The following OLFM2 variants were observed in gnomAD, a reference collection of about 807,000 sequenced individuals.
OLFM2 encodes noelin-2.
Under a neutral mutation model 43.9 loss-of-function variants are expected in OLFM2, and 20 were observed. That is an observed-to-expected ratio of 0.46 (90% confidence interval 0.32 to 0.66). The LOEUF (loss-of-function observed/expected upper bound fraction) is 0.66, where lower values mean the gene tolerates loss of function less well. Among genes scored for constraint, OLFM2 ranks in the 30% least tolerant of loss-of-function variants. The pLI is 0.04. For missense variants in OLFM2, 416 were observed against 643.6 expected, an observed-to-expected ratio of 0.65 and a Z score of 3.83; for synonymous variants, 268 against 278.6, an observed-to-expected ratio of 0.96 and a Z score of 0.38.
chr19:9,859,063 G>T (rs759101210), intron 2 of OLFM2, among the ~76,000 whole-genome samples: 1 of 152,230 alleles, frequency 6.6e-6, no homozygotes, highest in Non-Finnish European at 1.5e-5. Context: ...GACTCTGCCT[G>T]GCTAAGGTAA....
intron 1 of OLFM2, among the ~76,000 whole-genome samples, chr19:9,902,024 G>A (rs1330972047): frequency 6.9e-6 from 1 of 144,050 alleles, no homozygotes; most frequent in Non-Finnish European, 1.5e-5. Context: ...TTTATATACT[G>A]ACTATATATA....
intron 1 of OLFM2, among the ~76,000 whole-genome samples, chr19:9,870,759 G>A (rs750078542): frequency 2.6e-5 from 4 of 152,172 alleles, no homozygotes; most frequent in South Asian, 2.1e-4. Context: ...CCTGCCACGC[G>A]TTACCCTCCT....
chr19:9,922,774 G>A (rs2086428835), intron 1 of OLFM2, among the ~76,000 whole-genome samples: 1 of 151,560 alleles, frequency 6.6e-6, no homozygotes, highest in African/African-American at 2.4e-5. Flanking sequence ...CGCCAGGAGT[G>A]GTGCTGCATG....
intron 1 of OLFM2, among the ~76,000 whole-genome samples, chr19:9,899,240 G>A (rs183154140): frequency 5.1e-4 from 78 of 151,676 alleles, no homozygotes; most frequent in Non-Finnish European, 1.0e-3. Context: ...ACTCCAGCCT[G>A]GGCAACAGAA....
rs1568366283 is a variant in OLFM2, at chr19:9,857,525, C to CT, written c.361-44dup. The CT allele has an allele frequency of 2.5e-6, 4 of 1,603,584 alleles. No individual in the cohort carries two copies. The highest frequency in any genetic ancestry group is 3.4e-6 in the Non-Finnish European group (4 of 1,174,466). On this transcript the variant is annotated intron_variant, in intron 3 of 5. Coordinates refer to ENST00000264833, the MANE Select transcript of OLFM2 (RefSeq NM_058164.4). The surrounding 1 kb of genome is among the most constrained non-coding windows in gnomAD (Gnocchi z 5.7). ...ACCATGGCCAAGCCTGACCCCTGGC[C>CT]TTTGACCCAGACATGACTCCAACCT...
intron 1 of OLFM2, among the ~76,000 whole-genome samples, chr19:9,907,721 AGGCC>A (rs1488430457): frequency 1.3e-5 from 2 of 151,432 alleles, no homozygotes; most frequent in Non-Finnish European, 2.9e-5. Flanking sequence ...AGACAGATAT[AGGCC>A]GGGCATGGTG....
At chr19:9,900,915 G>A (rs2046726331) in intron 1 of OLFM2, among the ~76,000 whole-genome samples, 1 of 131,832 alleles carries the variant, frequency 7.6e-6, no homozygotes, top group Non-Finnish European at 1.6e-5. Context: ...GAGGGAAGGG[G>A]AGGGAAAGGG....
At chr19:9,918,196 T>C (rs1019538293) in intron 1 of OLFM2, among the ~76,000 whole-genome samples, 16 of 150,010 alleles carry the variant, frequency 1.1e-4, no homozygotes, top group Non-Finnish European at 2.1e-4. Flanking sequence ...TTCTTTTATC[T>C]TTTTTTTTAA....
In OLFM2 at chr19:9,860,638, T is replaced by G. The variant is rs371076591; in HGVS notation, c.213+7A>C. The stretch of plus-strand genomic sequence containing the variant: ...AGCTGCCCCCAGGGTACCTGGAAGG[T>G]TCTCACCTTCTCCATCAGTTGCCGC... On this transcript the variant is annotated splice_region_variant and intron_variant, in intron 2 of 5. Coordinates refer to ENST00000264833, the MANE Select transcript of OLFM2 (RefSeq NM_058164.4). The G allele has an allele frequency of 2.3e-5, 36 of 1,575,946 alleles. No homozygotes were observed. The East Asian group carries it at 2.6e-4, about 11-fold the overall frequency.
chr19:9,881,059 G>A (rs8112411), intron 1 of OLFM2, among the ~76,000 whole-genome samples: 81,990 of 151,864 alleles, frequency 0.54, 23,225 homozygotes, highest in Admixed American at 0.64. Flanking sequence ...TACCACACCC[G>A]GCAAATTTTT....
chr19:9,874,070 T>C (rs557998754), intron 1 of OLFM2, among the ~76,000 whole-genome samples: 2 of 152,292 alleles, frequency 1.3e-5, no homozygotes, highest in East Asian at 1.9e-4. Flanking sequence ...ATAACCATGA[T>C]ACACTTGTCA....
chr19:9,913,126 C>T (rs1175315492), intron 1 of OLFM2, among the ~76,000 whole-genome samples: 1 of 152,152 alleles, frequency 6.6e-6, no homozygotes, highest in Non-Finnish European at 1.5e-5. Context: ...GCACCCCACT[C>T]AGCCCGGACT....
chr19:9,857,609 A>T lies in OLFM2; in HGVS notation c.360+106T>A. 6.4e-7 allele frequency: 1 copy of T among 1,572,048 alleles called. No homozygotes were observed. Among genetic ancestry groups the T allele is most frequent in the East Asian group, 2.2e-5 (1 of 44,576 alleles). ...ACACCTGGCCCTTGACATGTGGCTC[A>T]TATTGGACCCTAGATTCTTCCCAGA... On this transcript the variant is annotated intron_variant, in intron 3 of 5. Transcript: ENST00000264833. The surrounding 1 kb of genome is among the most constrained non-coding windows in gnomAD (Gnocchi z 5.7).
At position 9,856,515 on chromosome 19, in the gene OLFM2, T is replaced by C. The variant is rs2046318899; in HGVS notation, c.687+292A>G. Among the ~76,000 whole-genome samples the C allele has an allele frequency of 6.6e-6, 1 of 152,176 alleles. No homozygotes were observed. The highest frequency in any genetic ancestry group is 2.4e-5 in the African/African-American group (1 of 41,426). On this transcript the variant is annotated intron_variant, in intron 5 of 5. Coordinates refer to ENST00000264833, the MANE Select transcript of OLFM2 (RefSeq NM_058164.4). The surrounding 1 kb of genome is among the most constrained non-coding windows in gnomAD (Gnocchi z 4.0). The stretch of plus-strand genomic sequence containing the variant: ...GAGGTCTCTTGTCCTTGGGAGGGCA[T>C]TGGTCATTGGGTAGTTACTTGGACG...
chr19:9,871,051 C>G (rs914627466), intron 1 of OLFM2, among the ~76,000 whole-genome samples: 11 of 152,080 alleles, frequency 7.2e-5, no homozygotes, highest in African/African-American at 2.7e-4. Context: ...AGGCAGATCA[C>G]TCTAGGTCAG....
intron 1 of OLFM2, among the ~76,000 whole-genome samples, chr19:9,864,279 CTCTTT>C (rs1392499334): frequency 1.3e-4 from 20 of 152,294 alleles, no homozygotes; most frequent in Admixed American, 7.8e-4. Context: ...CTCATTACTT[CTCTTT>C]TATTTATTCG....
At position 9,854,316 on chromosome 19, in the gene OLFM2, T is replaced by C. The variant is rs2046295478; in HGVS notation, c.1235A>G (p.Asn412Ser). 1 of 1,613,824 alleles carries C rather than the reference T, an allele frequency of 6.2e-7. No individual in the cohort carries two copies. The highest frequency in any genetic ancestry group is 1.3e-5 in the African/African-American group (1 of 74,820). Residue 412 changes from asparagine to serine, a missense_variant, in exon 6 of 6, where the codon AAC (asparagine) becomes AGC (serine). Asn to Ser is a conservative substitution (Grantham distance 46). Transcript: ENST00000264833. This position sits in a 1 kb window ranked among gnomAD's most constrained non-coding sequence, Gnocchi z 9.5. ...SYEYTDVPFH[N>S]QYSHISMLDY... ...CAGCATCGAGATGTGGGAATACTGG[T>C]TGTGGAAGGGCACGTCCGTGTACTC...
At position 9,919,696 on chromosome 19, in the gene OLFM2, G is replaced by C. The variant is rs935774359; in HGVS notation, c.63+16608C>G. Among the ~76,000 whole-genome samples, 54 of 149,142 alleles carry C rather than the reference G, an allele frequency of 3.6e-4. No homozygotes were observed. In the East Asian group the frequency reaches 7.7e-3, roughly 21 times the overall value. On this transcript the variant is annotated intron_variant, in intron 1 of 5. Transcript: ENST00000264833. ...AGCATTTTGCCACATTGGCCAGGCT[G>C]GTCTCAAACTCCTGACCTCAGGTGA...
intron 1 of OLFM2, among the ~76,000 whole-genome samples, chr19:9,927,479 T>G (rs181962373): frequency 6.6e-6 from 1 of 152,038 alleles, no homozygotes; most frequent in African/African-American, 2.4e-5. Flanking sequence ...GTTAGAATCA[T>G]GTAAAATAAG....
Sources: allele counts gnomAD v4.1 joint callset (sites outside exome capture counted in the v4.1 genomes callset), GRCh38; gene constraint gnomAD v4.1.1; non-coding constraint Gnocchi (gnomAD v3.1); transcripts MANE v1.5; gene names NCBI Gene and HGNC (gene_info 2026-07-23, HGNC 2026-07-21).